Variants in KIAA0930 observed in about 807,000 individuals in gnomAD.
The protein encoded by KIAA0930 is uncharacterized protein KIAA0930.
In KIAA0930, 24 loss-of-function variants were observed where a neutral mutation model predicts 43.9. The observed-to-expected ratio is 0.55, with a 90% CI of 0.40 to 0.77. The LOEUF is 0.77. KIAA0930 is among the 30% of genes least tolerant of loss of function. The pLI, the probability that KIAA0930 is intolerant of heterozygous loss-of-function variation, is 0.00. For missense variants in KIAA0930, 461 were observed against 574.2 expected (o/e 0.80, Z 2.02); for synonymous variants, 259 against 216.4 (o/e 1.20, Z -1.73).
chr22:45,200,038 G>A lies in KIAA0930; in HGVS notation c.853-3C>T, dbSNP rs2083573455. ...GGGGGTGTGCTGAAGGAGGTCACCT[G>A]GGAACAAGCAGCCAAAGTCACCAGA... On this transcript the variant is annotated splice_polypyrimidine_tract_variant and splice_region_variant and intron_variant, in intron 7 of 9. Transcript: ENST00000336156. The A allele has an allele frequency of 1.3e-6, 2 of 1,585,282 alleles. No individual in the cohort carries two copies. The highest frequency in any genetic ancestry group is 2.3e-5 in the South Asian group (2 of 88,006).
intron 1 of KIAA0930, among the ~76,000 whole-genome samples, chr22:45,231,256 G>C (rs1271292519): frequency 6.6e-6 from 1 of 151,272 alleles, no homozygotes; most frequent in Non-Finnish European, 1.5e-5. Flanking sequence ...AAAATACACA[G>C]GTTGAGCCCA....
chr22:45,208,674 C>A (rs1170310568), intron 2 of KIAA0930, among the ~76,000 whole-genome samples: 1 of 152,194 alleles, frequency 6.6e-6, no homozygotes, highest in Non-Finnish European at 1.5e-5. Context: ...CTGGTGAAAC[C>A]AGGTGTTCAG....
intron 1 of KIAA0930, among the ~76,000 whole-genome samples, chr22:45,235,863 C>G (rs528146386): frequency 1.2e-4 from 19 of 152,320 alleles, no homozygotes; most frequent in Admixed American, 5.2e-4. Context: ...TCCTTTCCAG[C>G]GGCACCTCCC....
Position 45,203,846 on chromosome 22 carries a change from C to T in KIAA0930, c.656G>A (p.Arg219Gln), listed in dbSNP as rs757778361. The T allele has an allele frequency of 6.8e-6, 11 of 1,613,696 alleles. No individual in the cohort carries two copies. Among genetic ancestry groups the T allele is most frequent in the Non-Finnish European group, 7.6e-6 (9 of 1,179,870 alleles). The change falls in exon 6 of 10, where the codon CGG becomes CAG. Residue 219 changes from arginine to glutamine, a missense_variant and splice_region_variant. Physicochemically the swap from Arg to Gln is conservative, Grantham distance 43. Transcript: ENST00000336156. The part of the protein sequence containing the change: ...YEALKKVYDN[R>Q]VSVAARMAQK... ...CCCGTGAGGCCGCCCCGCACTCACCCGGTTGTCATACACCTTCTTGAGCGC... is the reference window on the plus strand; with the variant it reads ...CCCGTGAGGCCGCCCCGCACTCACCTGGTTGTCATACACCTTCTTGAGCGC...
chr22:45,210,815 C>T (rs1053640659), intron 2 of KIAA0930, among the ~76,000 whole-genome samples: 17 of 152,178 alleles, frequency 1.1e-4, no homozygotes, highest in Non-Finnish European at 1.9e-4. Context: ...TGGCTCTAGT[C>T]CCTGCACACC....
rs562520733 is a variant in KIAA0930, at chr22:45,212,612, G to T, written c.65-505C>A. ...CCTCCAGCCAGCCAAGGCTGCAAGC[G>T]GGAACCGCAGGGAGACAGCACCCGC... On this transcript the variant is annotated intron_variant, in intron 1 of 9. Transcript: ENST00000336156. The T allele has an allele frequency of 4.6e-6, 6 of 1,313,694 alleles. No individual in the cohort carries two copies. In the African/African-American group the frequency reaches 8.9e-5, roughly 19 times the overall value. The allele number at this position is 1,313,694 out of a possible 1,614,324, so 81.4% of individuals were successfully genotyped here.
intron 1 of KIAA0930, among the ~76,000 whole-genome samples, chr22:45,233,411 C>T (rs2083866689): frequency 6.6e-6 from 1 of 152,122 alleles, no homozygotes; most frequent in Non-Finnish European, 1.5e-5. Flanking sequence ...AGTTCCCCAG[C>T]ACAGGCCACG....
intron 7 of KIAA0930, chr22:45,200,951 C>A (rs368875509): frequency 4.0e-6 from 2 of 501,384 alleles, no homozygotes; most frequent in Non-Finnish European, 8.3e-6. Flanking sequence ...AGTAGGAGTT[C>A]GCCAGGTGAA....
chr22:45,207,706 G>C (rs958702779), intron 2 of KIAA0930: 1 of 170,158 alleles, frequency 5.9e-6, no homozygotes, highest in Non-Finnish European at 1.4e-5. Context: ...GGGCTCCGAG[G>C]GGCTGGGCAC....
intron 1 of KIAA0930, among the ~76,000 whole-genome samples, chr22:45,227,877 C>T (rs1236916816): frequency 6.6e-6 from 1 of 152,202 alleles, no homozygotes; most frequent in Non-Finnish European, 1.5e-5. Context: ...GAGAGGGCTC[C>T]CGGGAGCTGA....
intron 1 of KIAA0930, chr22:45,213,645 C>T: frequency 2.7e-6 from 1 of 364,266 alleles, no homozygotes; most frequent in Non-Finnish European, 4.3e-6. Context: ...TTTTTACTTC[C>T]TCTTTACATT....
chr22:45,226,691 CAG>C (rs1178187142), intron 1 of KIAA0930: 1 of 174,900 alleles, frequency 5.7e-6, no homozygotes, highest in Non-Finnish European at 1.2e-5. Context: ...CTGCTCTGCT[CAG>C]ACACAGAAAA....
At chr22:45,205,517 G>T (rs1364138370) in intron 4 of KIAA0930, 113 bp downstream of exon 4, 2 of 1,077,250 alleles carry the variant, frequency 1.9e-6, no homozygotes, top group Admixed American at 1.9e-5. Flanking sequence ...GATTTCTGGA[G>T]TCAGACCCCT....
At chr22:45,210,098 C>G (rs939993424) in intron 2 of KIAA0930, among the ~76,000 whole-genome samples, 20 of 152,220 alleles carry the variant, frequency 1.3e-4, no homozygotes, top group Non-Finnish European at 7.3e-5. Context: ...CGTGACCTCT[C>G]TGGAATCAAA....
At position 45,196,814 on chromosome 22, in the gene KIAA0930, G is replaced by A. The variant is rs1249287880; in HGVS notation, c.*362C>T. ...GGGTGGTTCCGCCTGCTGCTGGGGG[G>A]ACGTGAACATAGACCCGCCGCTCTG... On this transcript the variant is annotated 3_prime_UTR_variant, in exon 10 of 10. Coordinates refer to ENST00000336156, the MANE Select transcript of KIAA0930 (RefSeq NM_001009880.2). The surrounding 1 kb of genome is among the most constrained non-coding windows in gnomAD (Gnocchi z 4.1). The A allele has an allele frequency of 2.4e-5, 6 of 250,298 alleles. No homozygotes were observed. The South Asian group carries it at 4.9e-4, about 21-fold the overall frequency. The allele number at this position is 250,298 out of a possible 1,614,324, so 15.5% of individuals were successfully genotyped here.
chr22:45,212,606 G>A, intron 1 of KIAA0930: 3 of 1,349,408 alleles, frequency 2.2e-6, no homozygotes, highest in East Asian at 2.7e-5. Context: ...AGCCAAGGCT[G>A]CAAGCGGGAA....
chr22:45,205,141 G>C (rs2083624712), intron 5 of KIAA0930, 76 bp downstream of exon 5: 2 of 1,242,580 alleles, frequency 1.6e-6, no homozygotes, highest in Admixed American at 3.5e-5. Flanking sequence ...GCAAGGCTAA[G>C]GCCGCGGGGA....
intron 2 of KIAA0930, among the ~76,000 whole-genome samples, chr22:45,210,552 G>A: frequency 6.6e-6 from 1 of 152,168 alleles, no homozygotes; most frequent in Non-Finnish European, 1.5e-5. Flanking sequence ...TTTTACCCCA[G>A]AGAGGAGATG....
chr22:45,204,175 G>C (rs2083615249), intron 5 of KIAA0930, among the ~76,000 whole-genome samples, 190 bp from the exon 6 acceptor site: 1 of 152,190 alleles, frequency 6.6e-6, no homozygotes, highest in Non-Finnish European at 1.5e-5. Flanking sequence ...ACTGGGGCAG[G>C]GGCTGAGCAG....
Sources: gnomAD v4.1 joint callset for allele counts (sites outside exome capture counted in the v4.1 genomes callset) on GRCh38, gnomAD v4.1.1 for gene constraint, Gnocchi (gnomAD v3.1) non-coding constraint, MANE v1.5 for transcripts, NCBI Gene and HGNC (gene_info 2026-07-23, HGNC 2026-07-21) for gene names.